The following NEO1 variants were observed in gnomAD, a reference collection of about 807,000 sequenced individuals.
The protein encoded by NEO1 is neogenin.
A neutral mutation model predicts 159.7 loss-of-function variants in NEO1; 63 were observed. The observed-to-expected ratio is 0.39, with a 90% CI of 0.32 to 0.49. The LOEUF is 0.49. Among genes scored for constraint, NEO1 ranks in the 20% least tolerant of loss-of-function variants. NEO1 has a pLI of 0.85. For synonymous variants in NEO1, 633 were observed against 662.0 expected (o/e 0.96, Z 0.67); for missense variants, 1,615 against 1,831.0 (o/e 0.88, Z 2.15).
chr15:73,302,980 A>G lies in NEO1; in HGVS notation c.*284A>G, dbSNP rs2042678308. The G allele has an allele frequency of 2.7e-6, 1 of 368,378 alleles. No individual in the cohort carries two copies. Among genetic ancestry groups the G allele is most frequent in the African/African-American group, 2.0e-5 (1 of 49,458 alleles). The allele number at this position is 368,378 out of a possible 1,614,324, so 22.8% of individuals were successfully genotyped here. On this transcript the variant is annotated 3_prime_UTR_variant, in exon 29 of 29. Transcript: ENST00000261908. Reference sequence around the variant, plus strand: ...ATTTTGTGTCCAGGGAAGAGGCGAGAAGTGCAACCTGCATTTCACTTTGTG... The same window carrying G: ...ATTTTGTGTCCAGGGAAGAGGCGAGGAGTGCAACCTGCATTTCACTTTGTG...
At chr15:73,113,807 T>C (rs1274944744) in intron 1 of NEO1, among the ~76,000 whole-genome samples, 1 of 152,092 alleles carries the variant, frequency 6.6e-6, no homozygotes, top group African/African-American at 2.4e-5. Flanking sequence ...AAATGAAATA[T>C]ATATATATAT....
chr15:73,058,936 G>A (rs2067848641), intron 1 of NEO1, among the ~76,000 whole-genome samples: 1 of 152,008 alleles, frequency 6.6e-6, no homozygotes, highest in Non-Finnish European at 1.5e-5. Flanking sequence ...TTTTTCATTC[G>A]CTAAAGCTCA....
At chr15:73,099,166 G>T (rs1028849868) in intron 1 of NEO1, among the ~76,000 whole-genome samples, 3 of 152,098 alleles carry the variant, frequency 2.0e-5, no homozygotes, top group Non-Finnish European at 4.4e-5. Flanking sequence ...TTTGAGGTTG[G>T]TGTCCTATTC....
intron 1 of NEO1, among the ~76,000 whole-genome samples, chr15:73,099,355 T>A (rs1349095934): frequency 6.6e-6 from 1 of 152,236 alleles, no homozygotes; most frequent in Admixed American, 6.5e-5. Context: ...TTGAATTTAG[T>A]TTATCTTTAT....
intron 2 of NEO1, among the ~76,000 whole-genome samples, chr15:73,120,895 C>G (rs576538643): frequency 3.7e-4 from 56 of 152,104 alleles, no homozygotes; most frequent in African/African-American, 1.3e-3. Context: ...AGAATAGAAC[C>G]AAGAAATCTC....
chr15:73,247,566 T>C (rs2039861580), intron 9 of NEO1, among the ~76,000 whole-genome samples: 1 of 152,224 alleles, frequency 6.6e-6, no homozygotes, highest in South Asian at 2.1e-4. Flanking sequence ...AGCAAACAAC[T>C]GTTAGAGTAA....
chr15:73,120,610 A>G (rs927493226), intron 2 of NEO1, among the ~76,000 whole-genome samples: 1 of 151,064 alleles, frequency 6.6e-6, no homozygotes, highest in South Asian at 2.1e-4. Flanking sequence ...TATACTATAT[A>G]TAAATTATTT....
chr15:73,212,450 T>G (rs2037634885), intron 7 of NEO1, among the ~76,000 whole-genome samples: 1 of 152,230 alleles, frequency 6.6e-6, no homozygotes. Flanking sequence ...ATCTCTCAGT[T>G]TTATCAGAAA....
chr15:73,215,349 C>T (rs1008312062), intron 7 of NEO1, among the ~76,000 whole-genome samples: 4 of 152,082 alleles, frequency 2.6e-5, no homozygotes, highest in African/African-American at 7.2e-5. Context: ...GCATTCTTGT[C>T]GTGTTCCTAT....
In NEO1 at chr15:73,122,709, A is replaced by C. The variant is rs1447568686; in HGVS notation, c.633A>C (p.Ala211=). Residue 211 remains alanine, a synonymous_variant, in exon 3 of 29, where the codon GCA becomes GCC. Transcript: ENST00000261908. ...LPSGMLVISN[A]TEGDGGLYRC... Reference sequence around the variant, plus strand: ...GTGGAATGCTGGTTATCAGCAATGCAACTGAAGGAGATGGCGGGCTTTATC... The same window carrying C: ...GTGGAATGCTGGTTATCAGCAATGCCACTGAAGGAGATGGCGGGCTTTATC... 1 of 1,614,100 alleles carries C rather than the reference A, an allele frequency of 6.2e-7. No individual in the cohort carries two copies. The highest frequency in any genetic ancestry group is 1.3e-5 in the African/African-American group (1 of 74,938).
At chr15:73,179,887 T>C (rs1337512040) in intron 7 of NEO1, among the ~76,000 whole-genome samples, 1 of 151,296 alleles carries the variant, frequency 6.6e-6, no homozygotes, top group Non-Finnish European at 1.5e-5. Flanking sequence ...ATACACTGTT[T>C]TATATAACAG....
intron 23 of NEO1, among the ~76,000 whole-genome samples, chr15:73,283,856 C>G (rs560320461): frequency 6.6e-6 from 1 of 152,280 alleles, no homozygotes; most frequent in Non-Finnish European, 1.5e-5. Context: ...GCCTGTCATT[C>G]TAAATCTAAG....
Position 73,254,678 on chromosome 15 carries a change from G to T in NEO1, c.1945-4G>T, listed in dbSNP as rs769947112. On this transcript the variant is annotated splice_region_variant and splice_polypyrimidine_tract_variant and intron_variant, in intron 12 of 28. Coordinates refer to ENST00000261908, the MANE Select transcript of NEO1 (RefSeq NM_002499.4). ...CCTTTTTTCTATAATTCTGTCTTGTGCAGAGTATTATGATTCACTGGCAGC... is the reference window on the plus strand; with the variant it reads ...CCTTTTTTCTATAATTCTGTCTTGTTCAGAGTATTATGATTCACTGGCAGC... 6 of 1,609,210 alleles carry T rather than the reference G, an allele frequency of 3.7e-6. No individual in the cohort carries two copies. Among genetic ancestry groups the T allele is most frequent in the Non-Finnish European group, 4.2e-6 (5 of 1,178,430 alleles).
chr15:73,181,025 A>G (rs867593032), intron 7 of NEO1, among the ~76,000 whole-genome samples: 1 of 152,226 alleles, frequency 6.6e-6, no homozygotes, highest in African/African-American at 2.4e-5. Flanking sequence ...GTCCAGATGC[A>G]TAAATAAAGC....
chr15:73,164,718 T>C (rs904291723), intron 5 of NEO1, among the ~76,000 whole-genome samples: 3 of 152,188 alleles, frequency 2.0e-5, no homozygotes, highest in Admixed American at 6.5e-5. Flanking sequence ...TACAAAGATA[T>C]GTACAAGGAT....
intron 13 of NEO1, chr15:73,255,705 G>C (rs988399045): frequency 6.6e-6 from 1 of 152,254 alleles, no homozygotes; most frequent in East Asian, 1.9e-4. Context: ...ACTCTGTCCT[G>C]CTCAGTTATA....
At chr15:73,217,520 C>T (rs887218955) in intron 7 of NEO1, among the ~76,000 whole-genome samples, 20 of 152,184 alleles carry the variant, frequency 1.3e-4, no homozygotes, top group African/African-American at 4.3e-4. Context: ...TTGCCTTGGG[C>T]AGTATGGCCA....
chr15:73,072,829 A>C (rs1471121923), intron 1 of NEO1, among the ~76,000 whole-genome samples: 1 of 152,116 alleles, frequency 6.6e-6, no homozygotes, highest in Non-Finnish European at 1.5e-5. Flanking sequence ...AGTACATGGA[A>C]TAGAAAGATA....
chr15:73,165,999 G>A (rs562864906), intron 5 of NEO1, among the ~76,000 whole-genome samples: 27 of 152,286 alleles, frequency 1.8e-4, no homozygotes, highest in African/African-American at 6.3e-4. Context: ...CTGTGTGGCT[G>A]TGGACATGTC....
Sources: gnomAD v4.1 joint callset for allele counts (sites outside exome capture counted in the v4.1 genomes callset) on GRCh38, gnomAD v4.1.1 for gene constraint, MANE v1.5 for transcripts, NCBI Gene and HGNC (gene_info 2026-07-23, HGNC 2026-07-21) for gene names.